TCF12: variants seen among roughly 807,000 people sequenced by gnomAD.
The protein encoded by TCF12 is transcription factor 12.
Under a neutral mutation model 86.0 loss-of-function variants are expected in TCF12, and 45 were observed. The observed-to-expected ratio is 0.52, with a 90% CI of 0.41 to 0.67. The LOEUF (loss-of-function observed/expected upper bound fraction) is 0.67, where lower values mean the gene tolerates loss of function less well. Ranked by LOEUF, TCF12 falls within the 30% of genes least tolerant of loss-of-function variation. TCF12 has a pLI of 0.00. For synonymous variants in TCF12, 330 were observed against 299.6 expected (o/e 1.10, Z -1.05); for missense variants, 881 against 859.9 (o/e 1.02, Z -0.31).
intron 3 of TCF12, among the ~76,000 whole-genome samples, chr15:57,057,736 A>G (rs1167146143): frequency 6.6e-6 from 1 of 152,138 alleles, no homozygotes; most frequent in Non-Finnish European, 1.5e-5. Flanking sequence ...GATGGACATG[A>G]TTTGGCTTGT....
chr15:57,044,602 T>C (rs1470543372), intron 3 of TCF12, among the ~76,000 whole-genome samples: 2 of 149,128 alleles, frequency 1.3e-5, no homozygotes, highest in East Asian at 1.9e-4. Flanking sequence ...ACTATTGTAA[T>C]TTTTTTTTCA....
At chr15:57,047,508 G>C (rs968569906) in intron 3 of TCF12, among the ~76,000 whole-genome samples, 1 of 152,202 alleles carries the variant, frequency 6.6e-6, no homozygotes, top group African/African-American at 2.4e-5. Flanking sequence ...AAATTGTAAT[G>C]GGGGTAGATG....
At chr15:57,262,603 G>T (rs750817619) in intron 17 of TCF12, among the ~76,000 whole-genome samples, 1 of 152,164 alleles carries the variant, frequency 6.6e-6, no homozygotes, top group East Asian at 1.9e-4. Flanking sequence ...TCATTTGATT[G>T]AAGAGACATG....
chr15:57,065,161 A>C (rs2068768748), intron 4 of TCF12, among the ~76,000 whole-genome samples: 1 of 152,182 alleles, frequency 6.6e-6, no homozygotes, highest in African/African-American at 2.4e-5. Context: ...GAGGCTGTTA[A>C]AGGTGGGTTT....
intron 3 of TCF12, among the ~76,000 whole-genome samples, chr15:57,026,775 G>T (rs574789695): frequency 6.6e-6 from 1 of 151,886 alleles, no homozygotes; most frequent in East Asian, 1.9e-4. Context: ...CTTGATGTCC[G>T]TGGGGGATTG....
chr15:57,112,926 A>G (rs1417716555), intron 5 of TCF12, among the ~76,000 whole-genome samples: 2 of 152,214 alleles, frequency 1.3e-5, no homozygotes, highest in Non-Finnish European at 2.9e-5. Flanking sequence ...ATCCAAACTC[A>G]TTTAACTAAA....
chr15:57,063,862 T>A, intron 4 of TCF12, 39 bp downstream of exon 4: 3 of 1,478,778 alleles, frequency 2.0e-6, no homozygotes, highest in Non-Finnish European at 2.8e-6. Flanking sequence ...AGCTGTAATT[T>A]GGCAGACTAC....
At chr15:57,010,851 A>G (rs899333595) in intron 3 of TCF12, among the ~76,000 whole-genome samples, 2 of 152,214 alleles carry the variant, frequency 1.3e-5, no homozygotes, top group Non-Finnish European at 2.9e-5. Context: ...TTGGTGTTGT[A>G]TAACTTAAAA....
At chr15:56,923,788 T>C (rs1010299340) in intron 3 of TCF12, among the ~76,000 whole-genome samples, 5 of 152,108 alleles carry the variant, frequency 3.3e-5, no homozygotes, top group Admixed American at 3.3e-4. Flanking sequence ...TAGTAAGGGA[T>C]GTTGTCATTT....
chr15:57,223,643 G>GTTTTTTTTTTTTTTTTTTTTTT lies in TCF12; in HGVS notation c.580-7502_580-7481dup, dbSNP rs550493641. On this transcript the variant is annotated intron_variant, in intron 8 of 20. Transcript: ENST00000333725. ...GTTTTGGCACCTGCCTACCAATGAG[G>GTTTTTTTTTTTTTTTTTTTTTT]TTTTTTTTTTTTTTTTTTTTTTTTT... Among the ~76,000 whole-genome samples the GTTTTTTTTTTTTTTTTTTTTTT allele has an allele frequency of 2.3e-4, 16 of 69,684 alleles. 2 individuals are homozygous for GTTTTTTTTTTTTTTTTTTTTTT. Among genetic ancestry groups the GTTTTTTTTTTTTTTTTTTTTTT allele is most frequent in the South Asian group, 1.4e-3 (2 of 1,476 alleles). The allele number at this position is 69,684 out of a possible 152,430, so 45.7% of individuals were successfully genotyped here. A position where few individuals can be genotyped will look rare whatever the true frequency, so the allele number is the denominator to read the frequency against.
chr15:56,954,423 A>G (rs551830267), intron 3 of TCF12, among the ~76,000 whole-genome samples: 3 of 152,324 alleles, frequency 2.0e-5, no homozygotes, highest in African/African-American at 7.2e-5. Flanking sequence ...AATTAATTCA[A>G]GATGGATTAA....
At chr15:57,167,570 G>A (rs985386545) in intron 6 of TCF12, among the ~76,000 whole-genome samples, 1 of 151,826 alleles carries the variant, frequency 6.6e-6, no homozygotes. Flanking sequence ...AAAAGAGAGA[G>A]AGAGAAAGGA....
chr15:56,971,229 GC>G (rs2062299196), intron 3 of TCF12, among the ~76,000 whole-genome samples: 1 of 151,788 alleles, frequency 6.6e-6, no homozygotes, highest in African/African-American at 2.4e-5. Flanking sequence ...TTCAAGAACA[GC>G]CAGGCCAACA....
intron 5 of TCF12, among the ~76,000 whole-genome samples, chr15:57,123,744 G>T (rs1317004862): frequency 6.6e-5 from 10 of 151,788 alleles, no homozygotes; most frequent in Admixed American, 3.3e-4. Flanking sequence ...GAGGTCAGGA[G>T]ATCGAGACCA....
chr15:57,174,553 A>G (rs1413830402), intron 6 of TCF12, among the ~76,000 whole-genome samples: 1 of 152,218 alleles, frequency 6.6e-6, no homozygotes, highest in Non-Finnish European at 1.5e-5. Context: ...GTGTATGAGG[A>G]CAAGAAATAA....
chr15:56,981,472 G>C (rs2140884558), intron 3 of TCF12, among the ~76,000 whole-genome samples: 1 of 152,268 alleles, frequency 6.6e-6, no homozygotes, highest in Admixed American at 6.5e-5. Context: ...CATGAGGGTG[G>C]AACTCTTAAG....
intron 1 of TCF12, 28 bp from the exon 2 acceptor site, chr15:56,919,864 C>T (rs2059699763): frequency 1.2e-6 from 2 of 1,606,578 alleles, no homozygotes; most frequent in African/African-American, 1.3e-5. Flanking sequence ...TCGGTGGTCT[C>T]TCGCTGAGCC....
intron 5 of TCF12, among the ~76,000 whole-genome samples, chr15:57,098,450 T>C (rs569735951): frequency 6.6e-6 from 1 of 152,272 alleles, no homozygotes; most frequent in East Asian, 1.9e-4. Context: ...CATTCCTCCA[T>C]TTTTTTCTGC....
At chr15:57,028,620 T>G (rs1305399202) in intron 3 of TCF12, among the ~76,000 whole-genome samples, 1 of 152,208 alleles carries the variant, frequency 6.6e-6, no homozygotes, top group Non-Finnish European at 1.5e-5. Flanking sequence ...ATGAATATTT[T>G]CTCCTAGCCT....
Sources: gnomAD v4.1 joint callset for allele counts (sites outside exome capture counted in the v4.1 genomes callset) on GRCh38, gnomAD v4.1.1 for gene constraint, MANE v1.5 for transcripts, NCBI Gene and HGNC (gene_info 2026-07-23, HGNC 2026-07-21) for gene names.